The following MDGA2 variants were observed in gnomAD, a reference collection of about 807,000 sequenced individuals.
MDGA2 encodes the protein MAM domain-containing glycosylphosphatidylinositol anchor protein 2.
A neutral mutation model predicts 117.8 loss-of-function variants in MDGA2; 40 were observed. The ratio of observed to expected loss-of-function variants is 0.34; its 90% CI spans 0.26 to 0.44. The LOEUF (loss-of-function observed/expected upper bound fraction) is 0.44. Among genes scored for constraint, MDGA2 ranks in the 20% least tolerant of loss-of-function variants. The pLI, the probability that MDGA2 is intolerant of heterozygous loss-of-function variation, is 1.00. For synonymous variants in MDGA2, 452 were observed against 439.0 expected, an observed-to-expected ratio of 1.03 and a Z score of -0.37; for missense variants, 1,123 against 1,250.6, an observed-to-expected ratio of 0.90 and a Z score of 1.54.
chr14:46,896,876 C>T (rs1292856492), intron 10 of MDGA2, among the ~76,000 whole-genome samples: 7 of 152,150 alleles, frequency 4.6e-5, no homozygotes, highest in Admixed American at 4.6e-4. Flanking sequence ...TATTTCTGAG[C>T]ATCCCTCCAA....
At chr14:47,310,616 C>CT (rs1319979534) in intron 1 of MDGA2, among the ~76,000 whole-genome samples, 1 of 151,754 alleles carries the variant, frequency 6.6e-6, no homozygotes, top group Non-Finnish European at 1.5e-5. Context: ...ATATATGTTC[C>CT]TTTTTTTATA....
intron 10 of MDGA2, among the ~76,000 whole-genome samples, chr14:46,917,513 TA>T (rs1883947316): frequency 6.6e-6 from 1 of 152,172 alleles, no homozygotes; most frequent in African/African-American, 2.4e-5. Flanking sequence ...GTTATGTAGC[TA>T]TAAAAATATG....
chr14:47,519,282 C>T (rs538634416), intron 1 of MDGA2, among the ~76,000 whole-genome samples: 1 of 152,258 alleles, frequency 6.6e-6, no homozygotes, highest in South Asian at 2.1e-4. Flanking sequence ...AGTTCTTAAT[C>T]TATTTTATAT....
Position 47,099,457 on chromosome 14 carries a change from C to T in MDGA2, c.926-2334G>A, listed in dbSNP as rs117552983. Among the ~76,000 whole-genome samples, 26 of 151,884 alleles carry T rather than the reference C, an allele frequency of 1.7e-4. No homozygotes were observed. The East Asian group carries it at 4.8e-3, about 28-fold the overall frequency. On this transcript the variant is annotated intron_variant, in intron 5 of 16. Coordinates refer to ENST00000399232, the MANE Select transcript of MDGA2 (RefSeq NM_001113498.3). The stretch of plus-strand genomic sequence containing the variant: ...TATTTCATATTGGATGAATCATTTG[C>T]TAATTTGGGGGTATACAAAGAGTAA...
chr14:46,852,113 A>G (rs1440182758), intron 15 of MDGA2, among the ~76,000 whole-genome samples: 1 of 151,726 alleles, frequency 6.6e-6, no homozygotes, highest in African/African-American at 2.4e-5. Flanking sequence ...AGATGATTTT[A>G]TCTATCTTTA....
intron 8 of MDGA2, among the ~76,000 whole-genome samples, chr14:46,966,592 G>C (rs1886039102): frequency 6.6e-6 from 1 of 152,088 alleles, no homozygotes. Context: ...ATATGGCAAT[G>C]TACTTCATGT....
At chr14:47,346,879 G>A (rs1890773395) in intron 1 of MDGA2, among the ~76,000 whole-genome samples, 1 of 152,180 alleles carries the variant, frequency 6.6e-6, no homozygotes. Flanking sequence ...TTACAAAGCA[G>A]TAAGATTTTA....
At chr14:46,945,175 G>A (rs959509050) in intron 9 of MDGA2, among the ~76,000 whole-genome samples, 5 of 152,058 alleles carry the variant, frequency 3.3e-5, no homozygotes, top group African/African-American at 1.2e-4. Context: ...TACGTTTAAT[G>A]TAAAAAGTGA....
Position 47,124,769 on chromosome 14 carries a change from C to A in MDGA2, c.925+6945G>T, listed in dbSNP as rs556924882. Reference sequence around the variant, plus strand: ...CTAGAGGAAGGGACACTAGAGCTTTCTCTCTTTCCCTCCATGAATGCACAG... The same window carrying A: ...CTAGAGGAAGGGACACTAGAGCTTTATCTCTTTCCCTCCATGAATGCACAG... On this transcript the variant is annotated intron_variant, in intron 5 of 16. Transcript: ENST00000399232. Among the ~76,000 whole-genome samples the A allele has an allele frequency of 5.3e-5, 8 of 152,182 alleles. No homozygotes were observed. The South Asian group carries it at 1.7e-3, about 32-fold the overall frequency.
intron 6 of MDGA2, among the ~76,000 whole-genome samples, chr14:47,079,892 C>T (rs983324448): frequency 4.6e-5 from 7 of 151,818 alleles, no homozygotes; most frequent in Admixed American, 2.0e-4. Context: ...CCACCACGCC[C>T]GGCTAATTTT....
At chr14:47,274,280 T>A (rs535384165) in intron 2 of MDGA2, among the ~76,000 whole-genome samples, 1 of 152,140 alleles carries the variant, frequency 6.6e-6, no homozygotes, top group South Asian at 2.1e-4. Flanking sequence ...ATTTACTTTA[T>A]GTCTGTATGG....
chr14:47,135,659 G>A (rs933470492), intron 4 of MDGA2, among the ~76,000 whole-genome samples: 1 of 151,736 alleles, frequency 6.6e-6, no homozygotes, highest in East Asian at 1.9e-4. Flanking sequence ...AGAAAACCTT[G>A]AATTGTTCCC....
intron 5 of MDGA2, among the ~76,000 whole-genome samples, chr14:47,120,118 G>A (rs905651642): frequency 1.3e-5 from 2 of 152,146 alleles, no homozygotes; most frequent in African/African-American, 4.8e-5. Flanking sequence ...TTCCTTGGTT[G>A]AGTACAATGT....
chr14:46,964,934 T>C (rs1382614771), intron 8 of MDGA2, among the ~76,000 whole-genome samples: 1 of 123,846 alleles, frequency 8.1e-6, no homozygotes, highest in South Asian at 2.7e-4. Context: ...TTTTTTTTTT[T>C]TTTTTTTGAG....
chr14:46,968,587 A>G (rs776132332), intron 8 of MDGA2, among the ~76,000 whole-genome samples: 7 of 152,132 alleles, frequency 4.6e-5, no homozygotes, highest in Non-Finnish European at 1.0e-4. Context: ...TAATCCCGGC[A>G]CTTTGGGAAG....
intron 3 of MDGA2, among the ~76,000 whole-genome samples, chr14:47,151,410 C>T (rs1352426171): frequency 1.3e-5 from 2 of 152,150 alleles, no homozygotes; most frequent in African/African-American, 4.8e-5. Flanking sequence ...AAAGCACCTG[C>T]TACAGAGTTT....
rs1891322901 is a variant in MDGA2, at chr14:47,370,468, G to GTCTTTTTTTTTTT, written c.281-68919_281-68918insAAAAAAAAAAAGA. Among the ~76,000 whole-genome samples the GTCTTTTTTTTTTT allele has an allele frequency of 1.9e-4, 4 of 20,684 alleles. 1 individual carries two copies. The East Asian group carries it at 7.5e-3, about 39-fold the overall frequency. 13.6% of individuals were successfully genotyped at this position (20,684 alleles called of 152,430 possible). ...TTACTATTTTCTAGGTCTACTTACT[G>GTCTTTTTTTTTTT]TTTTTTTTTTTTTTTTTTTTTTTTT... On this transcript the variant is annotated intron_variant, in intron 1 of 16. Coordinates refer to ENST00000399232, the MANE Select transcript of MDGA2 (RefSeq NM_001113498.3).
chr14:47,049,279 G>T (rs1215761939), intron 7 of MDGA2, among the ~76,000 whole-genome samples: 1 of 151,866 alleles, frequency 6.6e-6, no homozygotes, highest in Non-Finnish European at 1.5e-5. Context: ...GATATTCACA[G>T]GACATGGAGA....
At chr14:47,010,344 G>GA (rs79038766) in intron 8 of MDGA2, among the ~76,000 whole-genome samples, 128,507 of 151,534 alleles carry the variant, frequency 0.85, 54,607 homozygotes, top group East Asian at 0.97. Flanking sequence ...AAGATCTTAG[G>GA]AAAAAAATAG....
Sources: allele counts gnomAD v4.1 joint callset (sites outside exome capture counted in the v4.1 genomes callset), GRCh38; gene constraint gnomAD v4.1.1; transcripts MANE v1.5; gene names NCBI Gene and HGNC (gene_info 2026-07-23, HGNC 2026-07-21).